UNC13C: variants seen among roughly 807,000 people sequenced by gnomAD.
UNC13C encodes protein unc-13 homolog C.
UNC13C carries 174 observed loss-of-function variants against 245.4 expected under a neutral mutation model. The ratio of observed to expected loss-of-function variants is 0.71; its 90% CI spans 0.63 to 0.80. UNC13C has a LOEUF of 0.80. Among genes scored for constraint, UNC13C ranks in the 30% least tolerant of loss-of-function variants. The probability of loss-of-function intolerance (pLI) is 0.00; values close to 1 mark genes in which losing one functional copy is unlikely to be tolerated. For synonymous variants in UNC13C, 992 were observed against 895.1 expected (o/e 1.11, Z -1.93); for missense variants, 2,829 against 2,602.9 (o/e 1.09, Z -1.89).
chr15:53,949,617 T>C, the UNC13C span, among the ~76,000 whole-genome samples: 1 of 152,124 alleles, frequency 6.6e-6, no homozygotes, highest in Non-Finnish European at 1.5e-5. Context: ...TTTGGAGAAC[T>C]ATGAGCACAC....
intron 24 of UNC13C, among the ~76,000 whole-genome samples, chr15:54,520,295 TC>T (rs1188833418): frequency 6.6e-6 from 1 of 152,228 alleles, no homozygotes; most frequent in East Asian, 1.9e-4. Context: ...AAGATGACTT[TC>T]ACATTTCTGC....
intron 2 of UNC13C, among the ~76,000 whole-genome samples, chr15:54,099,606 C>T (rs1900058900): frequency 6.6e-6 from 1 of 152,090 alleles, no homozygotes; most frequent in African/African-American, 2.4e-5. Flanking sequence ...AGAGGAGAAG[C>T]CCATCATCAT....
chr15:54,002,287 A>C (rs1894931199), intron 1 of UNC13C, among the ~76,000 whole-genome samples: 2 of 152,052 alleles, frequency 1.3e-5, no homozygotes, highest in Non-Finnish European at 2.9e-5. Flanking sequence ...ATCCATCTCA[A>C]AAAAAAAGAA....
the UNC13C span, among the ~76,000 whole-genome samples, chr15:53,877,790 T>C: frequency 6.6e-6 from 1 of 152,204 alleles, no homozygotes; most frequent in Non-Finnish European, 1.5e-5. Context: ...TAGACCACTT[T>C]CCTTTGCCTC....
chr15:54,061,092 A>T (rs1487941402), intron 2 of UNC13C, among the ~76,000 whole-genome samples: 1 of 151,234 alleles, frequency 6.6e-6, no homozygotes. Flanking sequence ...CGTTGTGCAC[A>T]TGTACCCTAA....
At position 54,075,449 on chromosome 15, in the gene UNC13C, C is replaced by T. The variant is rs997577238; in HGVS notation, c.2983+59563C>T. 2.2e-4 allele frequency among the ~76,000 whole-genome samples: 31 copies of T among 144,132 alleles called. 3 individuals carry two copies. The highest frequency in any genetic ancestry group is 2.9e-4 in the Non-Finnish European group (19 of 66,474). The allele number at this position is 144,132 out of a possible 152,430, so 94.6% of individuals were successfully genotyped here. On this transcript the variant is annotated intron_variant, in intron 2 of 32. Transcript: ENST00000260323. ...CAGTGAGCCGGAGCTTGCAGTGAGCCGGAGCTTGCAGTGAGCCGGAGCTTG... is the reference window on the plus strand; with the variant it reads ...CAGTGAGCCGGAGCTTGCAGTGAGCTGGAGCTTGCAGTGAGCCGGAGCTTG...
At chr15:54,185,911 G>A (rs1595969056) in intron 4 of UNC13C, among the ~76,000 whole-genome samples, 1 of 151,402 alleles carries the variant, frequency 6.6e-6, no homozygotes, top group South Asian at 2.1e-4. Flanking sequence ...AGCATGGAAT[G>A]TTCTTCCATT....
In UNC13C at chr15:54,626,845, A is replaced by C; in HGVS notation, c.6377A>C (p.Asn2126Thr). The C allele has an allele frequency of 1.2e-6, 2 of 1,611,444 alleles. No individual in the cohort carries two copies. The highest frequency in any genetic ancestry group is 1.7e-6 in the Non-Finnish European group (2 of 1,178,524). Residue 2126 changes from asparagine (N) to threonine (T), a missense_variant, in exon 33 of 33, where the codon AAT becomes ACT. By Grantham distance (65) the Asn-to-Thr change is moderately conservative. Coordinates refer to ENST00000260323, the MANE Select transcript of UNC13C (RefSeq NM_001080534.3). The part of the protein sequence containing the change: ...ETFQFILGKE[N>T]RPGAYELHLS... ...CCACACAGCATTCTCGGAAAGGAAA[A>C]TCGACCAGGGGCTTATGAACTTCAT...
chr15:54,155,098 G>A (rs1388851642), intron 4 of UNC13C, among the ~76,000 whole-genome samples: 1 of 152,094 alleles, frequency 6.6e-6, no homozygotes, highest in Non-Finnish European at 1.5e-5. Flanking sequence ...GTTAGACATT[G>A]CCATGTAACA....
chr15:53,857,781 A>T, the UNC13C span, among the ~76,000 whole-genome samples: 2 of 152,242 alleles, frequency 1.3e-5, no homozygotes, highest in African/African-American at 4.8e-5. Context: ...GAGGAAAATT[A>T]TCTTAAAAGT....
In UNC13C at chr15:54,332,115, T is replaced by A. The variant is rs11856987; in HGVS notation, c.4494+4T>A. On this transcript the variant is annotated splice_donor_region_variant and intron_variant, in intron 15 of 32. Transcript: ENST00000260323. ...GATTGATCTGTCAAAGTATAGGGTA[T>A]GTACAAATTTACTTGCCTAAAAGAA... 0.29 allele frequency: 443,070 copies of A among 1,542,628 alleles called. 66,067 individuals are homozygous for A. Among genetic ancestry groups the A allele is most frequent in the South Asian group, 0.31 (24,837 of 80,328 alleles).
intron 2 of UNC13C, among the ~76,000 whole-genome samples, chr15:54,102,380 GA>G (rs1900209271): frequency 6.6e-6 from 1 of 152,136 alleles, no homozygotes; most frequent in African/African-American, 2.4e-5. Flanking sequence ...AGTACCTTGA[GA>G]ACCTCCTGTC....
the UNC13C span, among the ~76,000 whole-genome samples, chr15:53,900,767 C>G: frequency 1.4e-4 from 21 of 152,194 alleles, no homozygotes; most frequent in African/African-American, 4.6e-4. Flanking sequence ...TTCAACAGAT[C>G]TGGGTCCCAA....
intron 1 of UNC13C, among the ~76,000 whole-genome samples, chr15:54,009,285 GC>G (rs1350002093): frequency 2.6e-5 from 4 of 151,972 alleles, no homozygotes; most frequent in African/African-American, 9.7e-5. Flanking sequence ...TTCTTAGATT[GC>G]CCCCCACTAT....
intron 2 of UNC13C, among the ~76,000 whole-genome samples, chr15:54,017,853 T>C (rs1183090154): frequency 6.6e-6 from 1 of 152,190 alleles, no homozygotes; most frequent in Non-Finnish European, 1.5e-5. Flanking sequence ...GAGGCCTGGC[T>C]ATAGAGGACT....
chr15:54,192,407 A>G (rs1348259936), intron 4 of UNC13C, among the ~76,000 whole-genome samples: 1 of 152,068 alleles, frequency 6.6e-6, no homozygotes, highest in Non-Finnish European at 1.5e-5. Context: ...TAGATTCTCC[A>G]TGCTTCAAAG....
At chr15:54,233,254 G>A (rs2035600301) in intron 4 of UNC13C, among the ~76,000 whole-genome samples, 1 of 151,854 alleles carries the variant, frequency 6.6e-6, no homozygotes, top group Non-Finnish European at 1.5e-5. Flanking sequence ...TGGAGAAAGG[G>A]GTCTTTTAAA....
the UNC13C span, among the ~76,000 whole-genome samples, chr15:53,934,211 C>T: frequency 5.9e-5 from 9 of 152,162 alleles, no homozygotes; most frequent in African/African-American, 1.4e-4. Flanking sequence ...GAGAAATCTG[C>T]CCCCATGATC....
intron 4 of UNC13C, among the ~76,000 whole-genome samples, chr15:54,177,737 A>G (rs1033582566): frequency 6.6e-6 from 1 of 152,266 alleles, no homozygotes; most frequent in South Asian, 2.1e-4. Flanking sequence ...CTGTTGTTAT[A>G]TAATATATAG....
Sources: gnomAD v4.1 joint callset for allele counts (sites outside exome capture counted in the v4.1 genomes callset) on GRCh38, gnomAD v4.1.1 for gene constraint, MANE v1.5 for transcripts, NCBI Gene and HGNC (gene_info 2026-07-23, HGNC 2026-07-21) for gene names.